Variants in PDE1C observed in about 807,000 individuals in gnomAD.
PDE1C encodes phosphodiesterase 1C.
PDE1C carries 62 observed loss-of-function variants against 93.1 expected under a neutral mutation model. The observed-to-expected ratio is 0.67, with a 90% CI of 0.54 to 0.82. The LOEUF (loss-of-function observed/expected upper bound fraction) is 0.82, where lower values mean the gene tolerates loss of function less well. Among genes scored for constraint, PDE1C ranks in the 40% least tolerant of loss-of-function variants. PDE1C has a pLI of 0.00. For missense variants in PDE1C, 742 were observed against 884.6 expected, an observed-to-expected ratio of 0.84 and a Z score of 2.04; for synonymous variants, 325 against 310.1, an observed-to-expected ratio of 1.05 and a Z score of -0.50.
intron 1 of PDE1C, among the ~76,000 whole-genome samples, chr7:32,311,809 G>A (rs1001634352): frequency 2.0e-5 from 3 of 152,124 alleles, no homozygotes; most frequent in African/African-American, 7.2e-5. Context: ...TACTGAATGG[G>A]CAAAAACTGG....
intron 3 of PDE1C, among the ~76,000 whole-genome samples, chr7:32,126,301 T>C (rs999500462): frequency 6.6e-6 from 1 of 152,150 alleles, no homozygotes; most frequent in Admixed American, 6.6e-5. Flanking sequence ...ATCTCCTTTA[T>C]ATAAATGGGA....
chr7:31,634,409 A>G, the PDE1C span, among the ~76,000 whole-genome samples: 1 of 152,226 alleles, frequency 6.6e-6, no homozygotes, highest in Non-Finnish European at 1.5e-5. Context: ...GAAATATATT[A>G]CTGGATATTA....
intron 1 of PDE1C, among the ~76,000 whole-genome samples, chr7:32,314,895 T>C (rs1783136670): frequency 6.6e-6 from 1 of 151,870 alleles, no homozygotes; most frequent in Admixed American, 6.6e-5. Flanking sequence ...AGAACTTTTT[T>C]CCAGCTTATT....
the PDE1C span, chr7:31,656,445 A>T: frequency 1.1e-6 from 1 of 910,272 alleles, no homozygotes; most frequent in Non-Finnish European, 1.3e-6. Flanking sequence ...TAAGTGTTCA[A>T]TGCATGTTGG....
intron 1 of PDE1C, among the ~76,000 whole-genome samples, chr7:32,262,615 G>A (rs144291893): frequency 4.6e-5 from 7 of 152,270 alleles, no homozygotes; most frequent in Middle Eastern, 3.4e-3. Context: ...GAGCCAAGCT[G>A]GGACATGCAG....
chr7:32,023,814 G>A (rs1281027794), intron 2 of PDE1C, among the ~76,000 whole-genome samples: 1 of 152,134 alleles, frequency 6.6e-6, no homozygotes, highest in Non-Finnish European at 1.5e-5. Context: ...TGATGGCACA[G>A]TAGAGAGGCT....
chr7:31,878,375 T>A (rs537557584), intron 4 of PDE1C, among the ~76,000 whole-genome samples: 17 of 152,306 alleles, frequency 1.1e-4, no homozygotes, highest in Admixed American at 3.3e-4. Context: ...TTAGCCTGAA[T>A]GAAGAACTCC....
chr7:31,672,716 C>A, the PDE1C span, among the ~76,000 whole-genome samples: 1 of 152,138 alleles, frequency 6.6e-6, no homozygotes, highest in Non-Finnish European at 1.5e-5. Flanking sequence ...GTCCATCAGC[C>A]ATCATCACTC....
intron 1 of PDE1C, among the ~76,000 whole-genome samples, chr7:32,249,667 T>C (rs1339314326): frequency 1.3e-5 from 2 of 152,232 alleles, no homozygotes; most frequent in African/African-American, 4.8e-5. Context: ...AAGAACTAAA[T>C]GCCTTTCACA....
At chr7:32,348,210 G>A (rs1297873911) in intron 1 of PDE1C, among the ~76,000 whole-genome samples, 1 of 152,108 alleles carries the variant, frequency 6.6e-6, no homozygotes, top group Non-Finnish European at 1.5e-5. Context: ...TGAATGGGTG[G>A]TGGCCATAGC....
In PDE1C at chr7:31,764,946, G is replaced by T. The variant is rs111435333; in HGVS notation, c.1960+10718C>A. Among the ~76,000 whole-genome samples, 6 of 152,158 alleles carry T rather than the reference G, an allele frequency of 3.9e-5. No individual in the cohort carries two copies. The East Asian group carries it at 1.2e-3, about 29-fold the overall frequency. On this transcript the variant is annotated intron_variant, in intron 17 of 17. Coordinates refer to ENST00000396191, the MANE Select transcript of PDE1C (RefSeq NM_001191057.4). ...AATGATGATTGGGATCTACAGATCC[G>T]AATATTTCTCTCTTTCTTCAGCGGT...
chr7:31,772,104 C>G (rs1041553089), intron 17 of PDE1C, among the ~76,000 whole-genome samples: 6 of 151,850 alleles, frequency 4.0e-5, no homozygotes, highest in Non-Finnish European at 5.9e-5. Flanking sequence ...TCTCGCCTGC[C>G]TAGAGTTTTG....
intron 1 of PDE1C, among the ~76,000 whole-genome samples, chr7:32,321,503 T>G (rs1362340229): frequency 6.6e-6 from 1 of 152,212 alleles, no homozygotes; most frequent in Non-Finnish European, 1.5e-5. Flanking sequence ...TCTGTTATCT[T>G]AATTTCTCCA....
intron 1 of PDE1C, among the ~76,000 whole-genome samples, chr7:32,067,275 G>T (rs188346465): frequency 6.6e-6 from 1 of 152,084 alleles, no homozygotes; most frequent in Non-Finnish European, 1.5e-5. Context: ...ACTGTATACC[G>T]GGTGGAAGCG....
At chr7:31,650,764 A>G in the PDE1C span, among the ~76,000 whole-genome samples, 1 of 152,218 alleles carries the variant, frequency 6.6e-6, no homozygotes, top group Non-Finnish European at 1.5e-5. Context: ...GGCAGTACCC[A>G]GCAACAAAGT....
chr7:31,834,122 G>A (rs1790766150), intron 11 of PDE1C, among the ~76,000 whole-genome samples: 1 of 152,228 alleles, frequency 6.6e-6, no homozygotes, highest in African/African-American at 2.4e-5. Context: ...GCCTGCAGGT[G>A]CACAGAAGTC....
intron 1 of PDE1C, among the ~76,000 whole-genome samples, chr7:32,266,281 C>CA (rs886754376): frequency 1.4e-4 from 19 of 139,570 alleles, no homozygotes; most frequent in African/African-American, 2.4e-4. Context: ...GACTCCGTCT[C>CA]AAAAAAAAAA....
intron 2 of PDE1C, among the ~76,000 whole-genome samples, chr7:31,884,198 A>G (rs1321127818): frequency 6.6e-6 from 1 of 152,186 alleles, no homozygotes; most frequent in East Asian, 1.9e-4. Flanking sequence ...TTACTCAAGG[A>G]TGATGAAACA....
At chr7:32,419,134 A>C (rs867664916) in intron 1 of PDE1C, among the ~76,000 whole-genome samples, 7 of 152,322 alleles carry the variant, frequency 4.6e-5, no homozygotes, top group Middle Eastern at 3.4e-3. Flanking sequence ...CTCAGGTTCA[A>C]GGAGTTTAAA....
Sources: gnomAD v4.1 joint callset for allele counts (sites outside exome capture counted in the v4.1 genomes callset) on GRCh38, gnomAD v4.1.1 for gene constraint, MANE v1.5 for transcripts, NCBI Gene and HGNC (gene_info 2026-07-23, HGNC 2026-07-21) for gene names.